The following PXMP2 variants were observed in gnomAD, a reference collection of about 807,000 sequenced individuals.
PXMP2 encodes the protein peroxisomal membrane protein 2, also known as 22 kDa peroxisomal membrane protein.
Under a neutral mutation model 20.2 loss-of-function variants are expected in PXMP2, and 13 were observed. That is an observed-to-expected ratio of 0.64 (90% CI 0.42 to 1.02). PXMP2 has a LOEUF of 1.02. Among genes scored for constraint, PXMP2 ranks in the 50% least tolerant of loss-of-function variants. The pLI, the probability that PXMP2 is intolerant of heterozygous loss-of-function variation, is 0.00. For synonymous variants in PXMP2, 113 were observed against 111.2 expected (o/e 1.02, Z -0.10); for missense variants, 284 against 251.8 (o/e 1.13, Z -0.87).
In PXMP2 at chr12:132,687,678, C is replaced by G; in HGVS notation, c.8C>G (p.Pro3Arg). MA[P>R]AASRLRAEAG... ...CACGGCGCTGGGGAGGCGATGGCGC[C>G]GGCCGCGTCCAGGCTGCGGGCCGAA... The change falls in exon 1 of 5, where the codon CCG becomes CGG. Residue 3 changes from proline to arginine, a missense_variant. Pro to Arg is a moderately radical substitution (Grantham distance 103). Coordinates refer to ENST00000317479, the MANE Select transcript of PXMP2 (RefSeq NM_018663.3). The G allele has an allele frequency of 2.6e-6, 3 of 1,174,442 alleles. No homozygotes were observed. Among genetic ancestry groups the G allele is most frequent in the African/African-American group, 1.6e-5 (1 of 61,760 alleles). The allele number at this position is 1,174,442 out of a possible 1,614,324, so 72.8% of individuals were successfully genotyped here. A position where few individuals can be genotyped will look rare whatever the true frequency, so the allele number is the denominator to read the frequency against.
chr12:132,699,690 C>T (rs939798464), intron 3 of PXMP2, among the ~76,000 whole-genome samples: 3 of 151,852 alleles, frequency 2.0e-5, no homozygotes, highest in Non-Finnish European at 2.9e-5. Context: ...CCACCGTGCG[C>T]GGCCGAGTTC....
intron 2 of PXMP2, among the ~76,000 whole-genome samples, chr12:132,694,709 T>TG (rs2043399300): frequency 7.7e-6 from 1 of 130,594 alleles, no homozygotes; most frequent in Non-Finnish European, 1.6e-5. Flanking sequence ...GTGAGCTCCC[T>TG]TGCCAGTTAG....
At chr12:132,687,959 C>A in intron 1 of PXMP2, 167 bp downstream of exon 1, 1 of 629,140 alleles carries the variant, frequency 1.6e-6, no homozygotes, top group Non-Finnish European at 2.1e-6. Context: ...GCGGCGACAC[C>A]CGCGTCCGCA....
chr12:132,690,448 T>G lies in PXMP2; in HGVS notation c.236+72T>G, dbSNP rs2136058910. 6.4e-6 allele frequency: 7 copies of G among 1,097,678 alleles called. No individual in the cohort carries two copies. The South Asian group carries it at 9.6e-5, about 15-fold the overall frequency. The allele number at this position is 1,097,678 out of a possible 1,614,324, so 68.0% of individuals were successfully genotyped here. A position where few individuals can be genotyped will look rare whatever the true frequency, so the allele number is the denominator to read the frequency against. On this transcript the variant is annotated intron_variant, in intron 2 of 4. Transcript: ENST00000317479. ...AACCAAGCTGGGCACCAAAACCGAG[T>G]AGTTGGAGTACTCTTATTTGGAAAT...
chr12:132,691,270 G>A (rs187949932), intron 2 of PXMP2, among the ~76,000 whole-genome samples: 17 of 151,718 alleles, frequency 1.1e-4, no homozygotes, highest in African/African-American at 3.9e-4. Flanking sequence ...GGATGGTCTG[G>A]ATCTCCTGAC....
intron 3 of PXMP2, among the ~76,000 whole-genome samples, chr12:132,699,879 G>A (rs1000334479): frequency 8.5e-4 from 129 of 152,184 alleles, no homozygotes; most frequent in African/African-American, 3.0e-3. Context: ...TTGGGTAGAG[G>A]CCCAGTAGTG....
chr12:132,702,825 A>C (rs1184818056), intron 4 of PXMP2, among the ~76,000 whole-genome samples: 1 of 152,176 alleles, frequency 6.6e-6, no homozygotes, highest in Non-Finnish European at 1.5e-5. Context: ...ACCGGCTCTG[A>C]GCCCTGCCCA....
chr12:132,691,200 T>C (rs1306562677), intron 2 of PXMP2, among the ~76,000 whole-genome samples: 1 of 151,952 alleles, frequency 6.6e-6, no homozygotes, highest in Non-Finnish European at 1.5e-5. Context: ...TACAGGCACC[T>C]GCCACCACGC....
rs936169482 is a variant in PXMP2 at position 132,687,599 on chromosome 12, G to A, written c.-72G>A. On this transcript the variant is annotated 5_prime_UTR_variant, in exon 1 of 5. Coordinates refer to ENST00000317479, the MANE Select transcript of PXMP2 (RefSeq NM_018663.3). ...TCAGGCGGTCCCCACTCCGCTCTCGGCGCCTCGGGCTCCGCGCCCGGCCAG... is the reference window on the plus strand; with the variant it reads ...TCAGGCGGTCCCCACTCCGCTCTCGACGCCTCGGGCTCCGCGCCCGGCCAG... 1 of 1,167,842 alleles carries A rather than the reference G, an allele frequency of 8.6e-7. No homozygotes were observed. Among genetic ancestry groups the A allele is most frequent in the Non-Finnish European group, 1.1e-6 (1 of 946,116 alleles). The allele number at this position is 1,167,842 out of a possible 1,614,324, so 72.3% of individuals were successfully genotyped here. A position where few individuals can be genotyped will look rare whatever the true frequency, so the allele number is the denominator to read the frequency against.
chr12:132,689,210 G>A (rs1399128186), intron 1 of PXMP2, among the ~76,000 whole-genome samples: 8 of 146,426 alleles, frequency 5.5e-5, no homozygotes, highest in Non-Finnish European at 1.2e-4. Context: ...GCGGGTCTGC[G>A]TGGTGCGGGT....
intron 4 of PXMP2, among the ~76,000 whole-genome samples, chr12:132,702,176 T>C (rs866617106): frequency 2.0e-5 from 3 of 152,270 alleles, no homozygotes; most frequent in Non-Finnish European, 2.9e-5. Context: ...GCAGGCACTG[T>C]GCGGCCATGG....
chr12:132,687,602 C>A lies in PXMP2; in HGVS notation c.-69C>A, dbSNP rs183725414. ...GGCGGTCCCCACTCCGCTCTCGGCG[C>A]CTCGGGCTCCGCGCCCGGCCAGCCT... On this transcript the variant is annotated 5_prime_UTR_variant, in exon 1 of 5. Transcript: ENST00000317479. The A allele has an allele frequency of 2.6e-3, 2,999 of 1,166,956 alleles. 53 individuals carry two copies. In the African/African-American group the frequency reaches 0.041, roughly 16 times the overall value. The allele number at this position is 1,166,956 out of a possible 1,614,324, so 72.3% of individuals were successfully genotyped here.
In PXMP2 at chr12:132,704,554, T is replaced by C. The variant is rs960322373; in HGVS notation, c.520-65T>C. The C allele has an allele frequency of 2.8e-5, 35 of 1,264,970 alleles. No individual in the cohort carries two copies. In the African/African-American group the frequency reaches 5.1e-4, roughly 18 times the overall value. The allele number at this position is 1,264,970 out of a possible 1,614,324, so 78.4% of individuals were successfully genotyped here. A position where few individuals can be genotyped will look rare whatever the true frequency, so the allele number is the denominator to read the frequency against. The stretch of plus-strand genomic sequence containing the variant: ...CGGGTAAACAAATGAACTGGGTGAC[T>C]GAGGCTGGATAACTGGCCACGGCCT... On this transcript the variant is annotated intron_variant, in intron 4 of 4. Coordinates refer to ENST00000317479, the MANE Select transcript of PXMP2 (RefSeq NM_018663.3).
chr12:132,692,701 A>G (rs2043378111), intron 2 of PXMP2, among the ~76,000 whole-genome samples: 1 of 137,134 alleles, frequency 7.3e-6, no homozygotes, highest in Non-Finnish European at 1.5e-5. Context: ...CTTGCCAGTT[A>G]GTTAGTGAGC....
chr12:132,688,591 A>G (rs1164898039), intron 1 of PXMP2, among the ~76,000 whole-genome samples: 25 of 8,376 alleles, frequency 3.0e-3, no homozygotes, highest in South Asian at 7.6e-3. Flanking sequence ...TCTGCGGGGC[A>G]CGGGTAAAGA....
At chr12:132,701,441 T>C in intron 4 of PXMP2, 72 bp downstream of exon 4, 1 of 1,555,280 alleles carries the variant, frequency 6.4e-7, no homozygotes, top group Non-Finnish European at 8.7e-7. Flanking sequence ...TCCTTCCTCT[T>C]TCCTCCCCCC....
chr12:132,703,953 C>T (rs1231492451), intron 4 of PXMP2, among the ~76,000 whole-genome samples: 1 of 152,126 alleles, frequency 6.6e-6, no homozygotes, highest in African/African-American at 2.4e-5. Context: ...TGGGAAGCCG[C>T]GCCTCTGAGT....
At chr12:132,703,195 G>C (rs1298208060) in intron 4 of PXMP2, among the ~76,000 whole-genome samples, 1 of 152,206 alleles carries the variant, frequency 6.6e-6, no homozygotes, top group Admixed American at 6.5e-5. Flanking sequence ...AACTTTGAGA[G>C]GCTGAGGCAG....
At chr12:132,691,113 G>A (rs932168827) in intron 2 of PXMP2, among the ~76,000 whole-genome samples, 4 of 149,230 alleles carry the variant, frequency 2.7e-5, no homozygotes, top group Non-Finnish European at 5.9e-5. Flanking sequence ...GTGCGGTGGC[G>A]CGATCTTGGC....
Sources: gnomAD v4.1 joint callset for allele counts (sites outside exome capture counted in the v4.1 genomes callset) on GRCh38, gnomAD v4.1.1 for gene constraint, MANE v1.5 for transcripts, NCBI Gene and HGNC (gene_info 2026-07-23, HGNC 2026-07-21) for gene names.